KIAA1328: variants seen among roughly 807,000 people sequenced by gnomAD.
The protein encoded by KIAA1328 is KIAA1328.
In KIAA1328, 52 loss-of-function variants were observed where a neutral mutation model predicts 68.1. That is an observed-to-expected ratio of 0.76 (90% CI 0.61 to 0.96). The LOEUF (loss-of-function observed/expected upper bound fraction) is 0.96, where lower values mean the gene tolerates loss of function less well. KIAA1328 is among the 40% of genes least tolerant of loss of function. KIAA1328 has a pLI of 0.00. For missense variants in KIAA1328, 641 were observed against 677.6 expected (o/e 0.95, Z 0.60); for synonymous variants, 232 against 239.4 (o/e 0.97, Z 0.28).
Position 37,222,714 on chromosome 18 carries a change from AAGT to A in KIAA1328, c.*488_*490del. 1.0e-6 allele frequency: 1 copy of A among 994,744 alleles called. No individual in the cohort carries two copies. The allele number at this position is 994,744 out of a possible 1,614,324, so 61.6% of individuals were successfully genotyped here. A position where few individuals can be genotyped will look rare whatever the true frequency, so the allele number is the denominator to read the frequency against. On this transcript the variant is annotated 3_prime_UTR_variant, in exon 10 of 10. Transcript: ENST00000280020. ...TGTTCTCTCACTACTACATTTCTGTAAGTGGTCCTTTAATTCTGAAGTTGGAGT... is the reference window on the plus strand; with the variant it reads ...TGTTCTCTCACTACTACATTTCTGTAGGTCCTTTAATTCTGAAGTTGGAGT...
chr18:36,892,020 A>G (rs2048705408), intron 5 of KIAA1328, among the ~76,000 whole-genome samples: 1 of 152,252 alleles, frequency 6.6e-6, no homozygotes, highest in Admixed American at 6.5e-5. Context: ...GAAAGAAATC[A>G]TTCGTTGCAA....
intron 5 of KIAA1328, among the ~76,000 whole-genome samples, chr18:36,908,921 G>A (rs1243055547): frequency 6.6e-6 from 1 of 152,100 alleles, no homozygotes; most frequent in Non-Finnish European, 1.5e-5. Flanking sequence ...TGTTTTCAAA[G>A]CCAAATTGGA....
chr18:37,101,267 GA>G (rs892470123), intron 7 of KIAA1328, among the ~76,000 whole-genome samples: 5 of 151,840 alleles, frequency 3.3e-5, no homozygotes, highest in Non-Finnish European at 7.4e-5. Context: ...TAAAAACCTT[GA>G]AAAAAAATTA....
chr18:37,193,849 C>G lies in KIAA1328; in HGVS notation c.1523+20768C>G, dbSNP rs527526364. ...CATCTCAGTCTCTCAACCAAGTACC[C>G]TTCTACCCTTCTTGGATATAGGTAC... On this transcript the variant is annotated intron_variant, in intron 9 of 9. Transcript: ENST00000280020. 4.6e-5 allele frequency among the ~76,000 whole-genome samples: 7 copies of G among 152,304 alleles called. No homozygotes were observed. The South Asian group carries it at 1.5e-3, about 32-fold the overall frequency.
intron 9 of KIAA1328, among the ~76,000 whole-genome samples, chr18:37,215,870 G>T (rs2060420856): frequency 6.6e-6 from 1 of 152,162 alleles, no homozygotes; most frequent in East Asian, 1.9e-4. Flanking sequence ...TCCTGGTTTA[G>T]TCTTGGGAGG....
rs1304896539 is a variant in KIAA1328 at position 37,224,276 on chromosome 18, A to G, written c.*2049A>G. 7 of 985,324 alleles carry G rather than the reference A, an allele frequency of 7.1e-6. No homozygotes were observed. The highest frequency in any genetic ancestry group is 6.1e-5 in the Admixed American group (1 of 16,262). The allele number at this position is 985,324 out of a possible 1,614,324, so 61.0% of individuals were successfully genotyped here. ...CAAGAAAAGGATCACAGTTTCTTGA[A>G]GAAGCTTGTTTGCCTTTAGAAGAAT... is the stretch of plus-strand genomic sequence containing the variant. On this transcript the variant is annotated 3_prime_UTR_variant, in exon 10 of 10. Transcript: ENST00000280020.
chr18:37,079,475 TATA>T (rs1167369418), intron 7 of KIAA1328, among the ~76,000 whole-genome samples: 1 of 149,546 alleles, frequency 6.7e-6, no homozygotes, highest in East Asian at 1.9e-4. Context: ...AAACTTAAAG[TATA>T]ATAATAATAA....
intron 6 of KIAA1328, among the ~76,000 whole-genome samples, chr18:37,043,200 C>T (rs2055328278): frequency 6.6e-6 from 1 of 152,070 alleles, no homozygotes; most frequent in African/African-American, 2.4e-5. Context: ...TTTATTATAG[C>T]TGCTTTGAAG....
At chr18:36,856,518 T>A (rs2047388471) in intron 4 of KIAA1328, among the ~76,000 whole-genome samples, 1 of 152,146 alleles carries the variant, frequency 6.6e-6, no homozygotes, top group South Asian at 2.1e-4. Flanking sequence ...TCTAGTTGGT[T>A]CCTTTTTACA....
At chr18:37,064,580 C>T (rs560730447) in intron 6 of KIAA1328, among the ~76,000 whole-genome samples, 4 of 135,142 alleles carry the variant, frequency 3.0e-5, no homozygotes, top group South Asian at 5.3e-4. Context: ...CCGAATGTCA[C>T]GTTATGTGTC....
At chr18:36,829,717 G>A (rs569975460) in intron 1 of KIAA1328, among the ~76,000 whole-genome samples, 4 of 152,180 alleles carry the variant, frequency 2.6e-5, no homozygotes, top group Non-Finnish European at 5.9e-5. Flanking sequence ...TTTTAGGAGA[G>A]GTGTGGAGCT....
At chr18:36,872,715 A>G (rs2047988818) in intron 4 of KIAA1328, among the ~76,000 whole-genome samples, 1 of 152,232 alleles carries the variant, frequency 6.6e-6, no homozygotes, top group Admixed American at 6.5e-5. Flanking sequence ...GAAAAGTTAG[A>G]GAAAACAACA....
intron 7 of KIAA1328, among the ~76,000 whole-genome samples, chr18:37,088,572 AT>A (rs929273059): frequency 2.3e-4 from 35 of 151,788 alleles, no homozygotes; most frequent in Admixed American, 3.9e-4. Flanking sequence ...TTTTAATTTA[AT>A]TTTTTTATTT....
At chr18:36,948,261 G>GTTT (rs1167822236) in intron 5 of KIAA1328, among the ~76,000 whole-genome samples, 28 of 115,742 alleles carry the variant, frequency 2.4e-4, no homozygotes, top group Admixed American at 2.8e-4. Flanking sequence ...TTTGTCTTTT[G>GTTT]TTTTTTTTTT....
At chr18:37,037,497 G>A (rs190375675) in intron 6 of KIAA1328, among the ~76,000 whole-genome samples, 4 of 152,154 alleles carry the variant, frequency 2.6e-5, no homozygotes, top group Non-Finnish European at 4.4e-5. Flanking sequence ...TTTTATTAGA[G>A]CAGGCTCTTT....
chr18:36,831,873 T>C (rs2046505024), intron 1 of KIAA1328, among the ~76,000 whole-genome samples: 1 of 152,118 alleles, frequency 6.6e-6, no homozygotes, highest in African/African-American at 2.4e-5. Context: ...GGGTTTCTAA[T>C]TACAGTTAGC....
chr18:36,967,010 A>C (rs1269150229), intron 6 of KIAA1328, among the ~76,000 whole-genome samples: 1 of 152,220 alleles, frequency 6.6e-6, no homozygotes, highest in African/African-American at 2.4e-5. Flanking sequence ...TTTCAGTTTC[A>C]TAATTTGTTC....
chr18:36,920,960 A>C (rs1202920258), intron 5 of KIAA1328: 1 of 152,154 alleles, frequency 6.6e-6, no homozygotes, highest in Non-Finnish European at 1.5e-5. Context: ...GTAACTCAGC[A>C]AGACCACCAG....
chr18:36,872,224 T>TA (rs1016496872), intron 4 of KIAA1328, among the ~76,000 whole-genome samples: 3 of 152,018 alleles, frequency 2.0e-5, no homozygotes, highest in African/African-American at 7.2e-5. Context: ...AGGGCAGAGT[T>TA]ATATGCTGGT....
Sources: gnomAD v4.1 joint callset for allele counts (sites outside exome capture counted in the v4.1 genomes callset) on GRCh38, gnomAD v4.1.1 for gene constraint, MANE v1.5 for transcripts, NCBI Gene and HGNC (gene_info 2026-07-23, HGNC 2026-07-21) for gene names.